Variants in OPCML observed in about 807,000 individuals in gnomAD.
The protein encoded by OPCML is opioid binding protein/cell adhesion molecule like.
OPCML carries 13 observed loss-of-function variants against 37.8 expected under a neutral mutation model. The observed-to-expected ratio is 0.34, with a 90% confidence interval of 0.22 to 0.55. The LOEUF is 0.55. Among genes scored for constraint, OPCML ranks in the 20% least tolerant of loss-of-function variants. The probability of loss-of-function intolerance (pLI) is 0.91; values close to 1 mark genes in which losing one functional copy is unlikely to be tolerated. For missense variants in OPCML, 341 were observed against 435.6 expected (o/e 0.78, Z 1.93); for synonymous variants, 176 against 168.8 (o/e 1.04, Z -0.33).
chr11:132,633,933 T>A (rs1224932597), intron 3 of OPCML, among the ~76,000 whole-genome samples: 6 of 152,162 alleles, frequency 3.9e-5, no homozygotes, highest in Non-Finnish European at 8.8e-5. Context: ...AGGGCTACAG[T>A]GAGAGCCTCA....
At chr11:133,107,346 T>C (rs959810871) in intron 1 of OPCML, among the ~76,000 whole-genome samples, 6 of 152,214 alleles carry the variant, frequency 3.9e-5, no homozygotes, top group African/African-American at 1.4e-4. Flanking sequence ...GAGAGACTCT[T>C]CAAAACTGCC....
At chr11:132,884,266 C>T (rs1181244418) in intron 2 of OPCML, among the ~76,000 whole-genome samples, 2 of 152,072 alleles carry the variant, frequency 1.3e-5, no homozygotes, top group Non-Finnish European at 2.9e-5. Flanking sequence ...ACAGGGGCTT[C>T]CTGAAAAGGG....
rs372552421 is a variant in OPCML, at chr11:133,080,721, G to C, written c.62-137711C>G. Among the ~76,000 whole-genome samples, 26 of 152,264 alleles carry C rather than the reference G, an allele frequency of 1.7e-4. No homozygotes were observed. In the East Asian group the frequency reaches 2.7e-3, roughly 16 times the overall value. ...ATTTAGCACCTTGAAGCTGGAGAGA[G>C]AATCAGTATAAAAGCTCTTGTCGCT... On this transcript the variant is annotated intron_variant, in intron 1 of 7. Transcript: ENST00000524381.
At chr11:133,457,696 T>C (rs2136971709) in intron 1 of OPCML, among the ~76,000 whole-genome samples, 1 of 152,272 alleles carries the variant, frequency 6.6e-6, no homozygotes, top group Non-Finnish European at 1.5e-5. Flanking sequence ...TATAATTCTC[T>C]ACATAGCAAA....
At chr11:132,926,306 A>G (rs1388086573) in intron 2 of OPCML, among the ~76,000 whole-genome samples, 2 of 152,204 alleles carry the variant, frequency 1.3e-5, no homozygotes, top group East Asian at 1.9e-4. Flanking sequence ...CTCAGAGTCC[A>G]GAAACCAAAA....
intron 2 of OPCML, among the ~76,000 whole-genome samples, chr11:132,895,846 G>C (rs1943818964): frequency 6.6e-6 from 1 of 152,018 alleles, no homozygotes; most frequent in South Asian, 2.1e-4. Context: ...AACTAGACTT[G>C]AGTCCCAGCA....
chr11:133,122,813 C>G (rs1949442133), intron 1 of OPCML, among the ~76,000 whole-genome samples: 1 of 152,144 alleles, frequency 6.6e-6, no homozygotes, highest in Admixed American at 6.5e-5. Context: ...TGGAATCTAG[C>G]ATCTCTCTCA....
chr11:132,930,728 C>T (rs940284210), intron 2 of OPCML, among the ~76,000 whole-genome samples: 1 of 152,064 alleles, frequency 6.6e-6, no homozygotes, highest in African/African-American at 2.4e-5. Context: ...AGTGAAAAGA[C>T]ATGTTGTGTT....
At chr11:132,675,639 A>G (rs893385245) in intron 2 of OPCML, among the ~76,000 whole-genome samples, 1 of 152,206 alleles carries the variant, frequency 6.6e-6, no homozygotes, top group Non-Finnish European at 1.5e-5. Flanking sequence ...GTGTTTCTAT[A>G]CATTAGCAAT....
intron 1 of OPCML, among the ~76,000 whole-genome samples, chr11:133,245,802 T>A (rs1203757952): frequency 2.0e-5 from 3 of 151,892 alleles, no homozygotes; most frequent in Admixed American, 6.6e-5. Context: ...AAGGAGTGAG[T>A]TCATGTTCTT....
At chr11:133,236,705 G>C in intron 1 of OPCML, among the ~76,000 whole-genome samples, 1 of 152,192 alleles carries the variant, frequency 6.6e-6, no homozygotes, top group East Asian at 1.9e-4. Flanking sequence ...CAAGCATTAG[G>C]TCATAGCCTG....
At chr11:133,429,927 A>G (rs749247822) in intron 1 of OPCML, among the ~76,000 whole-genome samples, 6 of 152,176 alleles carry the variant, frequency 3.9e-5, no homozygotes, top group African/African-American at 7.2e-5. Flanking sequence ...CCCTGAAGTC[A>G]TAATATACAG....
intron 1 of OPCML, among the ~76,000 whole-genome samples, chr11:132,966,511 A>G (rs1003237380): frequency 1.3e-4 from 20 of 152,098 alleles, no homozygotes; most frequent in African/African-American, 4.8e-4. Flanking sequence ...GTACTTGAAA[A>G]TAATGTATAT....
At chr11:133,152,888 TATC>T (rs963951218) in intron 1 of OPCML, among the ~76,000 whole-genome samples, 2 of 148,162 alleles carry the variant, frequency 1.3e-5, no homozygotes, top group Non-Finnish European at 3.0e-5. Flanking sequence ...TTTTTTTTTT[TATC>T]ATCATTTTGC....
At chr11:132,648,810 C>G (rs1299087086) in intron 3 of OPCML, among the ~76,000 whole-genome samples, 1 of 152,160 alleles carries the variant, frequency 6.6e-6, no homozygotes, top group Non-Finnish European at 1.5e-5. Flanking sequence ...CAGGGTCCAC[C>G]CGTGATTTGT....
At chr11:132,827,521 A>G (rs942223230) in intron 2 of OPCML, among the ~76,000 whole-genome samples, 1 of 152,192 alleles carries the variant, frequency 6.6e-6, no homozygotes, top group African/African-American at 2.4e-5. Flanking sequence ...AAAACTTAAC[A>G]TACTCTTACT....
chr11:132,562,303 C>T (rs1350587119), intron 3 of OPCML, among the ~76,000 whole-genome samples: 1 of 151,416 alleles, frequency 6.6e-6, no homozygotes, highest in African/African-American at 2.4e-5. Flanking sequence ...TCCTGTAAAG[C>T]ACTATTTGGA....
At chr11:133,146,716 C>T (rs532130437) in intron 1 of OPCML, among the ~76,000 whole-genome samples, 45 of 152,332 alleles carry the variant, frequency 3.0e-4, no homozygotes, top group Middle Eastern at 3.4e-3. Flanking sequence ...CTGCCTCAGC[C>T]TCCCAAAGTG....
intron 4 of OPCML, among the ~76,000 whole-genome samples, chr11:132,506,708 A>T (rs548595687): frequency 6.6e-6 from 1 of 152,292 alleles, no homozygotes; most frequent in South Asian, 2.1e-4. Context: ...GAAAATATAA[A>T]TCTAACCACC....
Sources: allele counts gnomAD v4.1 joint callset (sites outside exome capture counted in the v4.1 genomes callset), GRCh38; gene constraint gnomAD v4.1.1; transcripts MANE v1.5; gene names NCBI Gene and HGNC (gene_info 2026-07-23, HGNC 2026-07-21).